Variants in PDXDC1 observed in about 807,000 individuals in gnomAD.
PDXDC1 encodes the protein pyridoxal-dependent decarboxylase domain-containing protein 1.
Under a neutral mutation model 100.1 loss-of-function variants are expected in PDXDC1, and 42 were observed. That is an observed-to-expected ratio of 0.42 (90% CI 0.33 to 0.54). PDXDC1 has a LOEUF of 0.54. PDXDC1 is among the 20% of genes least tolerant of loss of function. PDXDC1 has a pLI of 0.10. For synonymous variants in PDXDC1, 260 were observed against 371.7 expected (o/e 0.70, Z 3.46); for missense variants, 636 against 979.2 (o/e 0.65, Z 4.68).
At chr16:15,083,686 G>A (rs1163761756) in intron 16 of PDXDC1, 5 of 1,501,238 alleles carry the variant, frequency 3.3e-6, no homozygotes, top group East Asian at 2.3e-5. Flanking sequence ...GACATAGGAG[G>A]CAAACAGGAA....
chr16:14,975,057 G>C lies in PDXDC1; in HGVS notation c.-143G>C. The C allele has an allele frequency of 6.6e-7, 1 of 1,513,078 alleles. No individual in the cohort carries two copies. Among genetic ancestry groups the C allele is most frequent in the Non-Finnish European group, 8.8e-7 (1 of 1,138,604 alleles). The allele number at this position is 1,513,078 out of a possible 1,614,324, so 93.7% of individuals were successfully genotyped here. A position where few individuals can be genotyped will look rare whatever the true frequency, so the allele number is the denominator to read the frequency against. ...ACCATCAGGTTCGGCAGCCCGCGGC[G>C]CCGCCTGGCAGCTCCTCCTCTTCTC... On this transcript the variant is annotated 5_prime_UTR_variant, in exon 1 of 23. Transcript: ENST00000396410.
chr16:15,127,497 G>C (rs1249879203), intron 16 of PDXDC1: 2 of 1,562,688 alleles, frequency 1.3e-6, no homozygotes, highest in African/African-American at 1.4e-5. Flanking sequence ...AGAAGAGAAA[G>C]AGGATGGCCA....
chr16:15,083,579 T>C (rs868023670), intron 16 of PDXDC1: 15 of 1,601,574 alleles, frequency 9.4e-6, no homozygotes, highest in African/African-American at 6.8e-5. Flanking sequence ...GAAACCACGG[T>C]GTCCTATTTT....
At chr16:15,098,340 ACAT>A (rs1422996366) in intron 16 of PDXDC1, among the ~76,000 whole-genome samples, 2 of 151,132 alleles carry the variant, frequency 1.3e-5, no homozygotes, top group Non-Finnish European at 2.9e-5. Flanking sequence ...AGCTGGGACT[ACAT>A]GTGCCCGCCA....
chr16:15,102,864 G>A (rs889921620), intron 16 of PDXDC1, among the ~76,000 whole-genome samples: 5 of 149,400 alleles, frequency 3.3e-5, no homozygotes, highest in South Asian at 2.1e-4. Context: ...ACTTGAGCCC[G>A]GAAGTTCAAG....
At chr16:15,080,572 T>C (rs1028084561) in intron 16 of PDXDC1, among the ~76,000 whole-genome samples, 1 of 152,142 alleles carries the variant, frequency 6.6e-6, no homozygotes, top group Non-Finnish European at 1.5e-5. Flanking sequence ...TAGCTAGAAC[T>C]ACAGGTGCAC....
At chr16:15,060,411 T>A (rs181298313) in intron 16 of PDXDC1, 4 of 184,010 alleles carry the variant, frequency 2.2e-5, no homozygotes, top group Non-Finnish European at 4.6e-5. Context: ...AAACTCTACA[T>A]TGCCATCAAT....
At chr16:15,094,223 G>T (rs767585137) in intron 16 of PDXDC1, 1 of 1,591,440 alleles carries the variant, frequency 6.3e-7, no homozygotes, top group Non-Finnish European at 8.5e-7. Flanking sequence ...GTGAAGCAGC[G>T]GTGCCGCCAT....
At chr16:14,986,353 C>A (rs1322086852) in intron 1 of PDXDC1, among the ~76,000 whole-genome samples, 1 of 152,278 alleles carries the variant, frequency 6.6e-6, no homozygotes. Context: ...CCTGGAATCC[C>A]AGCTACTCAG....
At chr16:15,132,851 G>A (rs1054034723) in intron 16 of PDXDC1, 94 of 1,583,970 alleles carry the variant, frequency 5.9e-5, no homozygotes, top group Admixed American at 1.8e-4. Context: ...GGGCTCTGCC[G>A]CCACGTCCAG....
At chr16:15,104,102 G>A (rs2046671356) in intron 16 of PDXDC1, among the ~76,000 whole-genome samples, 1 of 46,560 alleles carries the variant, frequency 2.1e-5, no homozygotes, top group Admixed American at 2.7e-4. Flanking sequence ...AAGCCCAGGA[G>A]GTTGAGGCTG....
chr16:15,149,671 A>G, the PDXDC1 span, among the ~76,000 whole-genome samples: 1 of 152,174 alleles, frequency 6.6e-6, no homozygotes, highest in South Asian at 2.1e-4. Flanking sequence ...CCTATATTTT[A>G]CATCAGTGAA....
chr16:15,131,517 C>G, intron 16 of PDXDC1: 1 of 1,609,056 alleles, frequency 6.2e-7, no homozygotes, highest in East Asian at 2.2e-5. Flanking sequence ...AGCGCTTGCC[C>G]TGGGCCACGA....
chr16:15,062,628 A>C (rs1386976589), intron 16 of PDXDC1, among the ~76,000 whole-genome samples: 1 of 152,218 alleles, frequency 6.6e-6, no homozygotes, highest in Non-Finnish European at 1.5e-5. Context: ...AAACTAATGT[A>C]AACTGCTGGG....
chr16:15,038,344 T>C, downstream of PDXDC1: 1 of 659,926 alleles, frequency 1.5e-6, no homozygotes. Flanking sequence ...GTGGCCTGAA[T>C]TAGTAAGAAA....
At chr16:15,042,906 T>A (rs547571358), downstream of PDXDC1, among the ~76,000 whole-genome samples, 13 of 148,904 alleles carry the variant, frequency 8.7e-5, no homozygotes, top group African/African-American at 2.9e-4. Context: ...CTAATTTTTT[T>A]TTTTTTTTTT....
chr16:15,036,297 C>A lies in PDXDC1; in HGVS notation c.*22C>A. ...ATGAGACTCATTGTGTGGTTTGAGA[C>A]TGTACTGAGTATTGTTTCAGGGAAG... is the stretch of plus-strand genomic sequence containing the variant. On this transcript the variant is annotated 3_prime_UTR_variant, in exon 23 of 23. Transcript: ENST00000396410. 6.3e-7 allele frequency: 1 copy of A among 1,599,992 alleles called. No individual in the cohort carries two copies. The highest frequency in any genetic ancestry group is 8.6e-7 in the Non-Finnish European group (1 of 1,169,052).
At chr16:14,990,142 G>C (rs1167118777) in intron 1 of PDXDC1, 156 of 1,435,528 alleles carry the variant, frequency 1.1e-4, no homozygotes, top group Non-Finnish European at 1.3e-4. Context: ...AGCCCCTTGA[G>C]CCCCTGCTGT....
intron 16 of PDXDC1, chr16:15,094,548 C>G (rs1248991615): frequency 1.3e-5 from 6 of 454,750 alleles, no homozygotes. Flanking sequence ...CGGGTACACT[C>G]AAGTGTTAAT....
Sources: allele counts gnomAD v4.1 joint callset (sites outside exome capture counted in the v4.1 genomes callset), GRCh38; gene constraint gnomAD v4.1.1; transcripts MANE v1.5; gene names NCBI Gene and HGNC (gene_info 2026-07-23, HGNC 2026-07-21).